Variants in OVOL1 observed in about 807,000 individuals in gnomAD.
OVOL1 encodes ovo like transcriptional repressor 1.
A neutral mutation model predicts 21.5 loss-of-function variants in OVOL1; 10 were observed. That is an observed-to-expected ratio of 0.46 (90% CI 0.29 to 0.79). The LOEUF (loss-of-function observed/expected upper bound fraction) is 0.79, where lower values mean the gene tolerates loss of function less well. Ranked by LOEUF, OVOL1 falls within the 30% of genes least tolerant of loss-of-function variation. The pLI is 0.10. For synonymous variants in OVOL1, 129 were observed against 150.3 expected, an observed-to-expected ratio of 0.86 and a Z score of 1.03; for missense variants, 279 against 362.3, an observed-to-expected ratio of 0.77 and a Z score of 1.87.
At position 65,794,063 on chromosome 11, in the gene OVOL1, C is replaced by T. The variant is rs769904817; in HGVS notation, c.133C>T (p.Arg45Trp). 79 of 1,613,926 alleles carry T rather than the reference C, an allele frequency of 4.9e-5. 1 individual carries two copies. The highest frequency in any genetic ancestry group is 3.7e-4 in the South Asian group (34 of 91,084). ...GGGCTTCTGCCCACCACAGCCCTAC[C>T]GGGAGCCGGAACCCTCTGTGGCCGA... ...SLGFCPPQPY[R>W]EPEPSVAEPP... The change falls in exon 2 of 4, where the codon CGG (arginine) becomes TGG (tryptophan). Residue 45 changes from arginine (R) to tryptophan (W), a missense_variant. Physicochemically the swap from Arg to Trp is moderately radical, Grantham distance 101 (BLOSUM62 -3). Coordinates refer to ENST00000335987, the MANE Select transcript of OVOL1 (RefSeq NM_004561.4).
At position 65,795,438 on chromosome 11, in the gene OVOL1, C is replaced by T. The variant is rs890704807; in HGVS notation, c.*97C>T. On this transcript the variant is annotated 3_prime_UTR_variant, in exon 4 of 4. Transcript: ENST00000335987. This position sits in a 1 kb window ranked among gnomAD's most constrained non-coding sequence, Gnocchi z 5.7. ...GCCCACCCTCCTGCAACCTCTCACCCGAACACCAGTGATCAGGACTGGAGC... is the reference window on the plus strand; with the variant it reads ...GCCCACCCTCCTGCAACCTCTCACCTGAACACCAGTGATCAGGACTGGAGC... The T allele has an allele frequency of 6.9e-5, 79 of 1,148,852 alleles. No individual in the cohort carries two copies. The highest frequency in any genetic ancestry group is 1.3e-4 in the Admixed American group (6 of 47,766). The allele number at this position is 1,148,852 out of a possible 1,614,324, so 71.2% of individuals were successfully genotyped here.
chr11:65,789,720 C>A, intron 1 of OVOL1: 1 of 984,836 alleles, frequency 1.0e-6, no homozygotes, highest in Non-Finnish European at 1.2e-6. Flanking sequence ...TAAGCGTTGA[C>A]CCCATTTCCA....
intron 1 of OVOL1, among the ~76,000 whole-genome samples, chr11:65,788,088 G>T (rs1266824749): frequency 1.3e-5 from 2 of 152,310 alleles, no homozygotes; most frequent in African/African-American, 2.4e-5. Flanking sequence ...TGGGACAGGC[G>T]CCCGCTGCGC....
rs1858144862 is a variant in OVOL1 at position 65,796,915 on chromosome 11, C to T, written c.*1574C>T. Reference sequence around the variant, plus strand: ...CCAAAATGGGTAGTGTCTACACGTCCCCGGGCTCAGGCTCAGGCCCAGCCC... The same window carrying T: ...CCAAAATGGGTAGTGTCTACACGTCTCCGGGCTCAGGCTCAGGCCCAGCCC... On this transcript the variant is annotated 3_prime_UTR_variant, in exon 4 of 4. Coordinates refer to ENST00000335987, the MANE Select transcript of OVOL1 (RefSeq NM_004561.4). 1 of 152,226 alleles carries T rather than the reference C, an allele frequency of 6.6e-6. No individual in the cohort carries two copies. Among genetic ancestry groups the T allele is most frequent in the Admixed American group, 6.5e-5 (1 of 15,284 alleles). 9.4% of individuals were successfully genotyped at this position (152,226 alleles called of 1,614,324 possible).
At chr11:65,789,682 C>G in intron 1 of OVOL1, 1 of 985,448 alleles carries the variant, frequency 1.0e-6, no homozygotes, top group Non-Finnish European at 1.2e-6. Flanking sequence ...CCGTTCACCT[C>G]ACAGATTCCT....
In OVOL1 at chr11:65,795,083, C is replaced by T; in HGVS notation, c.546C>T (p.Ala182=). 3 of 1,613,494 alleles carry T rather than the reference C, an allele frequency of 1.9e-6. No homozygotes were observed. The highest frequency in any genetic ancestry group is 2.5e-6 in the Non-Finnish European group (3 of 1,179,996). Residue 182 remains alanine (A), a synonymous_variant, in exon 4 of 4, where the codon GCC becomes GCT. Coordinates refer to ENST00000335987, the MANE Select transcript of OVOL1 (RefSeq NM_004561.4). The surrounding 1 kb of genome is among the most constrained non-coding windows in gnomAD (Gnocchi z 5.7). ...ACAAGTGCAGCCTGTGTGACAAGGC[C>T]TTCACGCAGCGCTGCTCTCTGGAGT... The part of the protein sequence containing the change: ...RPYKCSLCDK[A]FTQRCSLESH...
At position 65,787,662 on chromosome 11, in the gene OVOL1, C is replaced by T. The variant is rs546333747; in HGVS notation, c.100+189C>T. 4.0e-5 allele frequency among the ~76,000 whole-genome samples: 6 copies of T among 150,980 alleles called. No homozygotes were observed. The South Asian group carries it at 6.2e-4, about 16-fold the overall frequency. ...GGGACTCGGGGGGCGGGGGCGGGGC[C>T]GGCGGAAGAGCGCTGGTCGGGGCGG... On this transcript the variant is annotated intron_variant, in intron 1 of 3. Transcript: ENST00000335987.
At chr11:65,789,680 C>T in intron 1 of OVOL1, 1 of 985,484 alleles carries the variant, frequency 1.0e-6, no homozygotes, top group Non-Finnish European at 1.2e-6. Flanking sequence ...TTCCGTTCAC[C>T]TCACAGATTC....
intron 1 of OVOL1, 32 bp from the exon 2 acceptor site, chr11:65,793,999 C>A: frequency 6.3e-7 from 1 of 1,580,104 alleles, no homozygotes; most frequent in Non-Finnish European, 8.7e-7. Flanking sequence ...CTCTTCTCCA[C>A]CAAGCCTCTC....
chr11:65,788,277 C>G (rs1218426388), intron 1 of OVOL1, among the ~76,000 whole-genome samples: 1 of 152,232 alleles, frequency 6.6e-6, no homozygotes, highest in Admixed American at 6.5e-5. Flanking sequence ...GCCTAGACAG[C>G]GTCGACTGTG....
At chr11:65,788,853 G>T (rs1857953737) in intron 1 of OVOL1, 1 of 985,472 alleles carries the variant, frequency 1.0e-6, no homozygotes, top group African/African-American at 1.7e-5. Flanking sequence ...TTAGGGTGTG[G>T]GCTCAGAATT....
At chr11:65,793,857 G>C in intron 1 of OVOL1, 174 bp from the exon 2 acceptor site, 1 of 605,882 alleles carries the variant, frequency 1.7e-6, no homozygotes, top group Non-Finnish European at 2.9e-6. Flanking sequence ...TACCTTAATA[G>C]GGCGGGAAGG....
At position 65,787,079 on chromosome 11, in the gene OVOL1, C is replaced by G. The variant is rs1264736609; in HGVS notation, c.-295C>G. On this transcript the variant is annotated 5_prime_UTR_variant, in exon 1 of 4. Transcript: ENST00000335987. ...GTCCGGCTCGCACTTTAAGACTTCC[C>G]GAGCGGCGGCGGGGACGCCAGTCGA... The G allele has an allele frequency of 7.1e-6, 2 of 281,790 alleles. No individual in the cohort carries two copies. Among genetic ancestry groups the G allele is most frequent in the Non-Finnish European group, 7.1e-6 (1 of 140,096 alleles). The allele number at this position is 281,790 out of a possible 1,614,324, so 17.5% of individuals were successfully genotyped here. A position where few individuals can be genotyped will look rare whatever the true frequency, so the allele number is the denominator to read the frequency against.
At position 65,796,088 on chromosome 11, in the gene OVOL1, T is replaced by C. The variant is rs1858127091; in HGVS notation, c.*747T>C. On this transcript the variant is annotated 3_prime_UTR_variant, in exon 4 of 4. Transcript: ENST00000335987. ...AATATATTTTTGGTGCCAATGGCGATGTTTTTAAGAGTGGGATGGAGCTGG... is the reference window on the plus strand; with the variant it reads ...AATATATTTTTGGTGCCAATGGCGACGTTTTTAAGAGTGGGATGGAGCTGG... 6.5e-6 allele frequency: 1 copy of C among 152,744 alleles called. No homozygotes were observed. The highest frequency in any genetic ancestry group is 2.4e-5 in the African/African-American group (1 of 41,454). The allele number at this position is 152,744 out of a possible 1,614,324, so 9.5% of individuals were successfully genotyped here.
intron 3 of OVOL1, 141 bp from the exon 4 acceptor site, chr11:65,794,905 T>C (rs1475970740): frequency 9.0e-6 from 9 of 999,570 alleles, no homozygotes; most frequent in Non-Finnish European, 1.5e-6. Context: ...TGAGAGTCAC[T>C]CGGGAAGTTG....
Position 65,794,197 on chromosome 11 carries a change from C to T in OVOL1, c.267C>T (p.His89=). Residue 89 remains histidine, a synonymous_variant, in exon 2 of 4, where the codon CAC becomes CAT. Coordinates refer to ENST00000335987, the MANE Select transcript of OVOL1 (RefSeq NM_004561.4). ...AGCTGCCCTCTGAAGACATGGGCCA[C>T]TTGACAGACCCCCAGAGCAGAGACC... ...VAQLPSEDMG[H]LTDPQSRDHG... 1 of 1,613,580 alleles carries T rather than the reference C, an allele frequency of 6.2e-7. No homozygotes were observed. Among genetic ancestry groups the T allele is most frequent in the Non-Finnish European group, 8.5e-7 (1 of 1,180,020 alleles).
At chr11:65,788,874 C>A in intron 1 of OVOL1, 1 of 985,464 alleles carries the variant, frequency 1.0e-6, no homozygotes, top group South Asian at 4.7e-5. Flanking sequence ...CTGTGTATAG[C>A]TTCTTGCTTG....
chr11:65,787,520 G>A (rs913990930), intron 1 of OVOL1, 47 bp downstream of exon 1: 2 of 1,275,376 alleles, frequency 1.6e-6, no homozygotes, highest in Non-Finnish European at 2.1e-6. Context: ...CGGCGGCGTC[G>A]AGGCTGCGGG....
Position 65,794,733 on chromosome 11 carries a change from T to G in OVOL1, c.508+6T>G, listed in dbSNP as rs984857184. Reference sequence around the variant, plus strand: ...ACACGTCCGAACTCACACTGGTAAGTGGAAGCCCACGGCTGGGAGGAGCAC... The same window carrying G: ...ACACGTCCGAACTCACACTGGTAAGGGGAAGCCCACGGCTGGGAGGAGCAC... On this transcript the variant is annotated splice_donor_region_variant and intron_variant, in intron 3 of 3. Transcript: ENST00000335987. 4 of 1,612,756 alleles carry G rather than the reference T, an allele frequency of 2.5e-6. No individual in the cohort carries two copies. Among genetic ancestry groups the G allele is most frequent in the Non-Finnish European group, 3.4e-6 (4 of 1,179,594 alleles).
Sources: allele counts gnomAD v4.1 joint callset (sites outside exome capture counted in the v4.1 genomes callset), GRCh38; gene constraint gnomAD v4.1.1; non-coding constraint Gnocchi (gnomAD v3.1); transcripts MANE v1.5; gene names NCBI Gene and HGNC (gene_info 2026-07-23, HGNC 2026-07-21).